The following IRF2 variants were observed in gnomAD, a reference collection of about 807,000 sequenced individuals.
IRF2 encodes the protein interferon regulatory factor 2.
Under a neutral mutation model 40.6 loss-of-function variants are expected in IRF2, and 15 were observed. That is an observed-to-expected ratio of 0.37 (90% CI 0.25 to 0.57). IRF2 has a LOEUF of 0.57. Among genes scored for constraint, IRF2 ranks in the 20% least tolerant of loss-of-function variants. The pLI is 0.77. For missense variants in IRF2, 317 were observed against 455.7 expected, an observed-to-expected ratio of 0.70 and a Z score of 2.77; for synonymous variants, 151 against 165.5, an observed-to-expected ratio of 0.91 and a Z score of 0.67.
At chr4:184,434,656 A>C (rs1579083820) in intron 1 of IRF2, among the ~76,000 whole-genome samples, 1 of 152,352 alleles carries the variant, frequency 6.6e-6, no homozygotes, top group African/African-American at 2.4e-5. Flanking sequence ...AATTCAGCCC[A>C]TGGTGGGTAC....
intron 6 of IRF2, among the ~76,000 whole-genome samples, chr4:184,399,523 T>G (rs1009207382): frequency 1.3e-5 from 2 of 152,216 alleles, no homozygotes; most frequent in African/African-American, 4.8e-5. Context: ...CAGGGAGACA[T>G]TATCAAACCT....
At chr4:184,393,530 C>G (rs893545495) in intron 7 of IRF2, among the ~76,000 whole-genome samples, 1 of 152,196 alleles carries the variant, frequency 6.6e-6, no homozygotes, top group Non-Finnish European at 1.5e-5. Context: ...GGGTAAGGCT[C>G]CCGGGTAAGA....
rs530415114 is a variant in IRF2, at chr4:184,452,770, C to CAAAAA, written c.-7+21604_-7+21608dup. Among the ~76,000 whole-genome samples, 25 of 53,828 alleles carry CAAAAA rather than the reference C, an allele frequency of 4.6e-4. 2 individuals carry two copies. The highest frequency in any genetic ancestry group is 1.7e-3 in the East Asian group (2 of 1,178). 35.3% of individuals were successfully genotyped at this position (53,828 alleles called of 152,430 possible). A position where few individuals can be genotyped will look rare whatever the true frequency, so the allele number is the denominator to read the frequency against. Reference sequence around the variant, plus strand: ...TGAGCAACAGAGCAGGACCCTGTCTCAAAAAAAAAAAAAAAAAAAAAAAAA... The same window carrying CAAAAA: ...TGAGCAACAGAGCAGGACCCTGTCTCAAAAAAAAAAAAAAAAAAAAAAAAAAAAAA... On this transcript the variant is annotated intron_variant, in intron 1 of 8. Transcript: ENST00000393593.
At chr4:184,411,428 G>A (rs539106649) in intron 5 of IRF2, among the ~76,000 whole-genome samples, 46 of 152,128 alleles carry the variant, frequency 3.0e-4, no homozygotes, top group African/African-American at 6.7e-4. Context: ...ATATTCCACC[G>A]ATGGAGGCTA....
chr4:184,460,022 G>A (rs1241353683), intron 1 of IRF2, among the ~76,000 whole-genome samples: 1 of 152,176 alleles, frequency 6.6e-6, no homozygotes. Context: ...TGAAAGCAGG[G>A]ACTCAAACAG....
intron 5 of IRF2, among the ~76,000 whole-genome samples, chr4:184,409,640 T>A (rs1274677747): frequency 3.3e-5 from 5 of 152,180 alleles, no homozygotes. Context: ...CACCCTGGAA[T>A]CTCAGCACTT....
chr4:184,394,701 CCT>C (rs1736383561), intron 7 of IRF2, among the ~76,000 whole-genome samples: 1 of 152,114 alleles, frequency 6.6e-6, no homozygotes, highest in Non-Finnish European at 1.5e-5. Context: ...CTCTCCAGCC[CCT>C]CTTACCCATC....
At chr4:184,456,767 C>A (rs933964233) in intron 1 of IRF2, among the ~76,000 whole-genome samples, 1 of 152,254 alleles carries the variant, frequency 6.6e-6, no homozygotes, top group Non-Finnish European at 1.5e-5. Context: ...CCAACACGTA[C>A]TGAGGGTACC....
chr4:184,454,457 C>T (rs1738837290), intron 1 of IRF2, among the ~76,000 whole-genome samples: 1 of 152,180 alleles, frequency 6.6e-6, no homozygotes, highest in African/African-American at 2.4e-5. Flanking sequence ...GCCAAAATTG[C>T]TACCACTCTA....
At chr4:184,442,257 G>A (rs986688889) in intron 1 of IRF2, among the ~76,000 whole-genome samples, 4 of 152,088 alleles carry the variant, frequency 2.6e-5, no homozygotes, top group Admixed American at 6.5e-5. Context: ...TTTGTAGTCC[G>A]GACTAGGAAA....
chr4:184,444,536 T>C (rs552887902), intron 1 of IRF2, among the ~76,000 whole-genome samples: 151 of 152,352 alleles, frequency 9.9e-4, no homozygotes, highest in Middle Eastern at 3.4e-3. Context: ...ATTTAACAAA[T>C]AATAGTTTCT....
chr4:184,403,738 G>C (rs758147769), intron 6 of IRF2, among the ~76,000 whole-genome samples: 17 of 152,174 alleles, frequency 1.1e-4, no homozygotes, highest in Non-Finnish European at 1.9e-4. Flanking sequence ...GCCCCTCTCA[G>C]GATAAAAACT....
chr4:184,403,003 C>T (rs1475940447), intron 6 of IRF2, among the ~76,000 whole-genome samples: 1 of 152,118 alleles, frequency 6.6e-6, no homozygotes, highest in Admixed American at 6.5e-5. Flanking sequence ...TGCGGCTGAC[C>T]AGGAGAGAAA....
intron 1 of IRF2, among the ~76,000 whole-genome samples, chr4:184,433,288 T>C (rs575573430): frequency 2.1e-4 from 32 of 152,278 alleles, no homozygotes; most frequent in Middle Eastern, 3.4e-3. Context: ...GACAAGCCCC[T>C]AGGTCCTTGG....
chr4:184,447,351 T>A (rs1738549182), intron 1 of IRF2, among the ~76,000 whole-genome samples: 1 of 152,116 alleles, frequency 6.6e-6, no homozygotes, highest in Non-Finnish European at 1.5e-5. Context: ...AATCTACGAA[T>A]AAATAAATAG....
intron 1 of IRF2, among the ~76,000 whole-genome samples, chr4:184,465,009 A>C (rs1482871473): frequency 1.3e-5 from 2 of 152,188 alleles, no homozygotes; most frequent in Admixed American, 1.3e-4. Context: ...AGTGTCACTC[A>C]GGCTGTTGCC....
chr4:184,390,301 C>T lies in IRF2; in HGVS notation c.741+402G>A, dbSNP rs1298274322. ...GTCACAGCGGGAGGGAACCCACGCA[C>T]ACGTGGAAGAGGCTTTTGCTTAGCA... On this transcript the variant is annotated intron_variant, in intron 8 of 8. Transcript: ENST00000393593. Among the ~76,000 whole-genome samples the T allele has an allele frequency of 1.3e-5, 2 of 152,230 alleles. 1 individual carries two copies. Among genetic ancestry groups the T allele is most frequent in the Non-Finnish European group, 2.9e-5 (2 of 68,048 alleles).
At chr4:184,390,113 TCTC>T (rs983983184) in intron 8 of IRF2, among the ~76,000 whole-genome samples, 24 of 152,230 alleles carry the variant, frequency 1.6e-4, no homozygotes, top group African/African-American at 5.8e-4. Context: ...CCTCTCTCTC[TCTC>T]ATTCACTCAA....
At chr4:184,425,854 A>C (rs537296807) in intron 2 of IRF2, among the ~76,000 whole-genome samples, 24 of 152,348 alleles carry the variant, frequency 1.6e-4, no homozygotes, top group Non-Finnish European at 2.5e-4. Context: ...AGGGTGCATC[A>C]ATCTCCTAAG....
Sources: allele counts gnomAD v4.1 joint callset (sites outside exome capture counted in the v4.1 genomes callset), GRCh38; gene constraint gnomAD v4.1.1; transcripts MANE v1.5; gene names NCBI Gene and HGNC (gene_info 2026-07-23, HGNC 2026-07-21).